The following XRCC2 variants were observed in gnomAD, a reference collection of about 807,000 sequenced individuals.
The protein encoded by XRCC2 is X-ray repair cross complementing 2, also known as DNA repair protein XRCC2.
A neutral mutation model predicts 27.3 loss-of-function variants in XRCC2; 24 were observed. The observed-to-expected ratio is 0.88, with a 90% CI of 0.64 to 1.24. The LOEUF is 1.24. XRCC2 is among the 50% of genes most tolerant of loss of function. The pLI is 0.00. For missense variants in XRCC2, 321 were observed against 325.8 expected (o/e 0.99, Z 0.11); for synonymous variants, 106 against 115.4 (o/e 0.92, Z 0.52).
At position 152,648,762 on chromosome 7, in the gene XRCC2, G is replaced by A. The variant is rs768994784; in HGVS notation, c.723C>T (p.Phe241=). ...WQQLVKHRMF[F]SKQDDSQSSN... ...TGCTTTGAGAATCATCTTGTTTGGA[G>A]AAAAACATCCTGTGCTTCACCAGTT... Residue 241 remains phenylalanine, a synonymous_variant, in exon 3 of 3, where the codon TTC becomes TTT. Coordinates refer to ENST00000359321, the MANE Select transcript of XRCC2 (RefSeq NM_005431.2). The A allele has an allele frequency of 1.2e-6, 2 of 1,614,146 alleles. No individual in the cohort carries two copies. Among genetic ancestry groups the A allele is most frequent in the Non-Finnish European group, 1.7e-6 (2 of 1,180,028 alleles).
chr7:152,661,948 G>A (rs2098033292), intron 1 of XRCC2, among the ~76,000 whole-genome samples: 1 of 152,158 alleles, frequency 6.6e-6, no homozygotes, highest in African/African-American at 2.4e-5. Context: ...TGTGAAAAGA[G>A]TACCTGGCAT....
chr7:152,652,465 G>C (rs2098028961), intron 2 of XRCC2, among the ~76,000 whole-genome samples: 1 of 152,098 alleles, frequency 6.6e-6, no homozygotes, highest in African/African-American at 2.4e-5. Flanking sequence ...GAGGCAGCCA[G>C]AGAGGCCGAC....
In XRCC2 at chr7:152,647,955, TC is replaced by T. The variant is rs1336795019; in HGVS notation, c.*686del. 6.6e-6 allele frequency: 1 copy of T among 152,224 alleles called. No homozygotes were observed. Among genetic ancestry groups the T allele is most frequent in the East Asian group, 1.9e-4 (1 of 5,198 alleles). 9.4% of individuals were successfully genotyped at this position (152,224 alleles called of 1,614,324 possible). A position where few individuals can be genotyped will look rare whatever the true frequency, so the allele number is the denominator to read the frequency against. ...CTCTCAGATTTACTTTCTGAGATAATCTTTTAAAAGTTCCTTTGTGAAGAAA... is the reference window on the plus strand; with the variant it reads ...CTCTCAGATTTACTTTCTGAGATAATTTTTAAAAGTTCCTTTGTGAAGAAA... On this transcript the variant is annotated 3_prime_UTR_variant, in exon 3 of 3. Coordinates refer to ENST00000359321, the MANE Select transcript of XRCC2 (RefSeq NM_005431.2).
intron 2 of XRCC2, among the ~76,000 whole-genome samples, chr7:152,658,415 G>C (rs1261510451): frequency 6.6e-6 from 1 of 152,190 alleles, no homozygotes; most frequent in Non-Finnish European, 1.5e-5. Flanking sequence ...GCCTCCCAAA[G>C]TGCTGGGATT....
At position 152,648,544 on chromosome 7, in the gene XRCC2, C is replaced by T. The variant is rs932539002; in HGVS notation, c.*98G>A. On this transcript the variant is annotated 3_prime_UTR_variant, in exon 3 of 3. Transcript: ENST00000359321. ...AAGGCTGCAGTGAGCCATGATTGTG[C>T]CACTGCACTCCAGCCTGGGAGACAG... 1 of 1,316,574 alleles carries T rather than the reference C, an allele frequency of 7.6e-7. No individual in the cohort carries two copies. 81.6% of individuals were successfully genotyped at this position (1,316,574 alleles called of 1,614,324 possible).
rs528989538 is a variant in XRCC2 at position 152,673,733 on chromosome 7, G to A, written c.39+2308C>T. 3.4e-4 allele frequency among the ~76,000 whole-genome samples: 52 copies of A among 152,066 alleles called. No homozygotes were observed. The Middle Eastern group carries it at 0.01, about 30-fold the overall frequency. ...AATAAAAATAAAAAATAAATTAGCC[G>A]GGCATGGTGGCGTGCACCTGTAGTC... On this transcript the variant is annotated intron_variant, in intron 1 of 2. Transcript: ENST00000359321.
intron 2 of XRCC2, among the ~76,000 whole-genome samples, chr7:152,660,143 C>A (rs763861912): frequency 1.6e-4 from 24 of 152,266 alleles, no homozygotes; most frequent in Non-Finnish European, 2.5e-4. Flanking sequence ...AGCTGGGGAA[C>A]ATGGGAGATG....
rs1249542565 is a variant in XRCC2, at chr7:152,646,154, A to T, written c.*2488T>A. The stretch of plus-strand genomic sequence containing the variant: ...TTTTCTATCCTTGAGTGGTTAAGAA[A>T]TCAAAAGGTGCAGACCCTTTATCAA... On this transcript the variant is annotated 3_prime_UTR_variant, in exon 3 of 3. Transcript: ENST00000359321. 6.6e-6 allele frequency: 1 copy of T among 152,226 alleles called. No homozygotes were observed. Among genetic ancestry groups the T allele is most frequent in the Non-Finnish European group, 1.5e-5 (1 of 68,046 alleles). The allele number at this position is 152,226 out of a possible 1,614,324, so 9.4% of individuals were successfully genotyped here.
chr7:152,673,190 T>C (rs976301332), intron 1 of XRCC2, among the ~76,000 whole-genome samples: 1 of 152,250 alleles, frequency 6.6e-6, no homozygotes, highest in Non-Finnish European at 1.5e-5. Flanking sequence ...AAAATATATA[T>C]TCTTTTTTTT....
chr7:152,652,979 C>T (rs1211000740), intron 2 of XRCC2, among the ~76,000 whole-genome samples: 7 of 152,112 alleles, frequency 4.6e-5, no homozygotes, highest in African/African-American at 1.7e-4. Context: ...GCCTGCTGCC[C>T]AGAGACCACA....
At position 152,645,408 on chromosome 7, in the gene XRCC2, C is replaced by A. The variant is rs1271598144; in HGVS notation, c.*3234G>T. On this transcript the variant is annotated 3_prime_UTR_variant, in exon 3 of 3. Transcript: ENST00000359321. The stretch of plus-strand genomic sequence containing the variant: ...ACAGTTGTGAGCCACTGCACTCAGC[C>A]TAAAATTCTATTTTTTAATTCTGTT... 2 of 152,066 alleles carry A rather than the reference C, an allele frequency of 1.3e-5. No individual in the cohort carries two copies. The highest frequency in any genetic ancestry group is 4.8e-5 in the African/African-American group (2 of 41,424). The allele number at this position is 152,066 out of a possible 1,614,324, so 9.4% of individuals were successfully genotyped here.
rs3218560 is a variant in XRCC2, at chr7:152,645,889, G to T, written c.*2753C>A. On this transcript the variant is annotated 3_prime_UTR_variant, in exon 3 of 3. Coordinates refer to ENST00000359321, the MANE Select transcript of XRCC2 (RefSeq NM_005431.2). The stretch of plus-strand genomic sequence containing the variant: ...TTATGATGCCACTGCACTCCAGCCT[G>T]GGCAACGGAGCGAGACCTTGTCTCT... 27,340 of 152,092 alleles carry T rather than the reference G, an allele frequency of 0.18. 2,659 individuals are homozygous for T. Among genetic ancestry groups the T allele is most frequent in the Non-Finnish European group, 0.23 (15,384 of 68,006 alleles). The allele number at this position is 152,092 out of a possible 1,614,324, so 9.4% of individuals were successfully genotyped here.
At chr7:152,670,155 C>T (rs2098037594) in intron 1 of XRCC2, among the ~76,000 whole-genome samples, 1 of 152,140 alleles carries the variant, frequency 6.6e-6, no homozygotes, top group South Asian at 2.1e-4. Flanking sequence ...TATCTTTAGC[C>T]TATTTCCTCC....
Position 152,648,622 on chromosome 7 carries a change from A to C in XRCC2, c.*20T>G. On this transcript the variant is annotated 3_prime_UTR_variant, in exon 3 of 3. Transcript: ENST00000359321. ...TAAGGCTTGCGTAGTACCCTGCAAA[A>C]GACTATTTTATGATGTATATCAACA... 3 of 1,566,006 alleles carry C rather than the reference A, an allele frequency of 1.9e-6. No individual in the cohort carries two copies. The highest frequency in any genetic ancestry group is 2.1e-4 in the Middle Eastern group (1 of 4,670).
At chr7:152,661,703 G>A (rs2098033138) in intron 1 of XRCC2, among the ~76,000 whole-genome samples, 1 of 152,222 alleles carries the variant, frequency 6.6e-6, no homozygotes, top group African/African-American at 2.4e-5. Flanking sequence ...CAAGAGAGCA[G>A]AAGTCAGAGC....
At chr7:152,673,970 T>C (rs6966344) in intron 1 of XRCC2, among the ~76,000 whole-genome samples, 14,475 of 152,252 alleles carry the variant, frequency 0.095, 999 homozygotes, top group Admixed American at 0.21. Flanking sequence ...TCCAAGTAAA[T>C]TCAAAGTAGA....
At chr7:152,649,820 C>T (rs2098027734) in intron 2 of XRCC2, among the ~76,000 whole-genome samples, 1 of 152,218 alleles carries the variant, frequency 6.6e-6, no homozygotes, top group African/African-American at 2.4e-5. Context: ...GGTAACACAG[C>T]TGTCGCCAGT....
chr7:152,665,567 A>ACCTC (rs2098035273), intron 1 of XRCC2, among the ~76,000 whole-genome samples: 2 of 138,590 alleles, frequency 1.4e-5, no homozygotes, highest in South Asian at 4.4e-4. Flanking sequence ...ATGAGACTCA[A>ACCTC]CCTCCCAGGC....
chr7:152,669,506 G>A (rs1002950048), intron 1 of XRCC2, among the ~76,000 whole-genome samples: 6 of 152,020 alleles, frequency 3.9e-5, no homozygotes, highest in East Asian at 3.9e-4. Context: ...GGGTTCAAGC[G>A]ATTCTCCTGC....
Sources: allele counts gnomAD v4.1 joint callset (sites outside exome capture counted in the v4.1 genomes callset), GRCh38; gene constraint gnomAD v4.1.1; transcripts MANE v1.5; gene names NCBI Gene and HGNC (gene_info 2026-07-23, HGNC 2026-07-21).